Variants in GSN observed in about 807,000 individuals in gnomAD.
GSN encodes the protein gelsolin, also known as actin-depolymerizing factor.
GSN carries 56 observed loss-of-function variants against 85.7 expected under a neutral mutation model. The ratio of observed to expected loss-of-function variants is 0.65; its 90% CI spans 0.53 to 0.82. The LOEUF (loss-of-function observed/expected upper bound fraction) is 0.82. Among genes scored for constraint, GSN ranks in the 40% least tolerant of loss-of-function variants. GSN has a pLI of 0.00. For synonymous variants in GSN, 373 were observed against 399.1 expected (o/e 0.93, Z 0.78); for missense variants, 857 against 979.8 (o/e 0.87, Z 1.67).
Position 121,324,751 on chromosome 9 carries a change from GTCCATCCA to G in GSN, c.1416+145_1416+152del, listed in dbSNP as rs57419831. 0.042 allele frequency: 28,660 copies of G among 679,382 alleles called. 724 individuals carry two copies. The highest frequency in any genetic ancestry group is 0.063 in the South Asian group (4,102 of 64,888). 42.1% of individuals were successfully genotyped at this position (679,382 alleles called of 1,614,324 possible). The stretch of plus-strand genomic sequence containing the variant: ...CATTCGTTTGTCCATCTGTCTGTCT[GTCCATCCA>G]TCCATCCATCCATCCATCCATCCAT... On this transcript the variant is annotated intron_variant, in intron 12 of 17. Coordinates refer to ENST00000432226, the MANE Select transcript of GSN (RefSeq NM_198252.3).
chr9:121,239,501 C>A, intron 5 of GSN: 1 of 312,526 alleles, frequency 3.2e-6, no homozygotes, highest in South Asian at 3.1e-5. Context: ...TTTAGCAAAC[C>A]AGTCTGGTGG....
intron 4 of GSN, among the ~76,000 whole-genome samples, chr9:121,220,910 A>G (rs9409231): frequency 0.98 from 150,022 of 152,378 alleles, 73,890 homozygotes; most frequent in Middle Eastern, 1. Context: ...AAAAATATCA[A>G]TTGTTAAAAG....
At chr9:121,328,264 A>AGTGATGCTTAAC in intron 14 of GSN, among the ~76,000 whole-genome samples, 1 of 152,330 alleles carries the variant, frequency 6.6e-6, no homozygotes, top group South Asian at 2.1e-4. Flanking sequence ...AGAAATGGTG[A>AGTGATGCTTAAC]AGAGTGACTT....
At position 121,273,863 on chromosome 9, in the gene GSN, G is replaced by T. The variant is rs137980809; in HGVS notation, c.-103+5644G>T. On this transcript the variant is annotated intron_variant, in intron 1 of 17. Coordinates refer to ENST00000432226, the MANE Select transcript of GSN (RefSeq NM_198252.3). ...ATGCTTTTTATTTATTAACAAAAAG[G>T]CTGAGAGAAACAGGATTTGCCCAAG... Among the ~76,000 whole-genome samples the T allele has an allele frequency of 1.4e-4, 21 of 152,116 alleles. No individual in the cohort carries two copies. The East Asian group carries it at 4.0e-3, about 29-fold the overall frequency.
At chr9:121,209,808 AG>A (rs1217588216) in intron 2 of GSN, among the ~76,000 whole-genome samples, 1 of 152,266 alleles carries the variant, frequency 6.6e-6, no homozygotes, top group Non-Finnish European at 1.5e-5. Context: ...AAGTTAGGAA[AG>A]AAGAAAACCT....
upstream of GSN, among the ~76,000 whole-genome samples, chr9:121,265,986 G>T (rs1219680397): frequency 1.3e-5 from 2 of 152,150 alleles, no homozygotes; most frequent in Non-Finnish European, 2.9e-5. Flanking sequence ...GTAAGTATTG[G>T]TTATCATCAT....
At chr9:121,313,853 C>T (rs2061429721) in intron 6 of GSN, 81 bp from the exon 7 acceptor site, 1 of 1,116,826 alleles carries the variant, frequency 9.0e-7, no homozygotes, top group Non-Finnish European at 1.4e-6. Context: ...CCTTGTGATC[C>T]TTGCCTGCCT....
At chr9:121,217,054 ATTTC>A (rs1343470217) in intron 4 of GSN, among the ~76,000 whole-genome samples, 1 of 151,930 alleles carries the variant, frequency 6.6e-6, no homozygotes, top group African/African-American at 2.4e-5. Flanking sequence ...ACTTAAGGAG[ATTTC>A]TTTTTTAAAA....
At chr9:121,235,118 G>A (rs925819243) in intron 5 of GSN, among the ~76,000 whole-genome samples, 4 of 152,156 alleles carry the variant, frequency 2.6e-5, no homozygotes, top group South Asian at 2.1e-4. Flanking sequence ...AAGTCATGCC[G>A]TTGGCTGTCA....
At chr9:121,242,548 C>T (rs1400460766) in intron 5 of GSN, among the ~76,000 whole-genome samples, 1 of 152,064 alleles carries the variant, frequency 6.6e-6, no homozygotes, top group African/African-American at 2.4e-5. Context: ...AGAGTCTGGT[C>T]CAAGGTTTTT....
At chr9:121,215,176 T>C (rs577613020) in intron 4 of GSN, among the ~76,000 whole-genome samples, 6 of 148,190 alleles carry the variant, frequency 4.0e-5, no homozygotes, top group South Asian at 4.2e-4. Context: ...GTATCTCTTC[T>C]CCTCTTCTTC....
At chr9:121,215,080 C>T (rs910760480) in intron 4 of GSN, among the ~76,000 whole-genome samples, 3 of 152,084 alleles carry the variant, frequency 2.0e-5, no homozygotes, top group Non-Finnish European at 4.4e-5. Context: ...TGGTGGTAGC[C>T]GGCAATCCTT....
intron 2 of GSN, among the ~76,000 whole-genome samples, chr9:121,297,591 A>C (rs971430947): frequency 6.6e-6 from 1 of 152,186 alleles, no homozygotes; most frequent in African/African-American, 2.4e-5. Context: ...CATTGTAAAA[A>C]GGAGAAGAGG....
At chr9:121,225,007 C>T (rs749256003) in intron 4 of GSN, among the ~76,000 whole-genome samples, 2 of 151,964 alleles carry the variant, frequency 1.3e-5, no homozygotes, top group African/African-American at 4.8e-5. Flanking sequence ...TTTGTTGAGA[C>T]GGGATCTCCC....
At chr9:121,211,531 T>C (rs1313041466) in intron 4 of GSN, among the ~76,000 whole-genome samples, 1 of 152,162 alleles carries the variant, frequency 6.6e-6, no homozygotes, top group Non-Finnish European at 1.5e-5. Context: ...AAAGTTGCTA[T>C]TAATAATTAA....
At chr9:121,234,183 G>A (rs980519529) in intron 5 of GSN, among the ~76,000 whole-genome samples, 1 of 152,150 alleles carries the variant, frequency 6.6e-6, no homozygotes, top group African/African-American at 2.4e-5. Flanking sequence ...TATTCCATTG[G>A]TTAATATGTA....
chr9:121,315,816 G>C (rs1418586922), intron 7 of GSN, among the ~76,000 whole-genome samples: 1 of 152,096 alleles, frequency 6.6e-6, no homozygotes, highest in African/African-American at 2.4e-5. Flanking sequence ...TTGGAGTCAG[G>C]AGTCAGACTA....
At chr9:121,276,046 G>A (rs2132472596) in intron 1 of GSN, among the ~76,000 whole-genome samples, 1 of 152,298 alleles carries the variant, frequency 6.6e-6, no homozygotes, top group South Asian at 2.1e-4. Context: ...ATCCAAATCT[G>A]GATTTTCACA....
intron 5 of GSN, among the ~76,000 whole-genome samples, chr9:121,236,509 G>A (rs1043562048): frequency 4.6e-5 from 7 of 152,022 alleles, no homozygotes; most frequent in African/African-American, 1.5e-4. Context: ...CACCATGCCC[G>A]GCCAACATGT....
Sources: allele counts gnomAD v4.1 joint callset (sites outside exome capture counted in the v4.1 genomes callset), GRCh38; gene constraint gnomAD v4.1.1; transcripts MANE v1.5; gene names NCBI Gene and HGNC (gene_info 2026-07-23, HGNC 2026-07-21).